APBA3: variants seen among roughly 807,000 people sequenced by gnomAD.
APBA3 encodes amyloid-beta A4 precursor protein-binding family A member 3.
APBA3 carries 45 observed loss-of-function variants against 55.9 expected under a neutral mutation model. That is an observed-to-expected ratio of 0.80 (90% CI 0.63 to 1.03). The LOEUF is 1.03. APBA3 is among the 50% of genes least tolerant of loss of function. APBA3 has a pLI of 0.00. For missense variants in APBA3, 865 were observed against 820.3 expected (o/e 1.05, Z -0.67); for synonymous variants, 370 against 353.3 (o/e 1.05, Z -0.53).
In APBA3 at chr19:3,754,246, C is replaced by T. The variant is rs904382789; in HGVS notation, c.711G>A (p.Pro237=). 10 of 1,546,588 alleles carry T rather than the reference C, an allele frequency of 6.5e-6. No individual in the cohort carries two copies. Among genetic ancestry groups the T allele is most frequent in the African/African-American group, 4.1e-5 (3 of 72,796 alleles). Residue 237 remains proline, a synonymous_variant, in exon 4 of 11, where the codon CCG becomes CCA. Transcript: ENST00000316757. Reference sequence around the variant, plus strand: ...CCTGGGCCATGCGCGTGCTGGTGGGCGGGTTCCGTTCCGACACCAGCTGGG... The same window carrying T: ...CCTGGGCCATGCGCGTGCTGGTGGGTGGGTTCCGTTCCGACACCAGCTGGG... ...GSTQLVSERN[P]PTSTRMAQAR... is the part of the protein sequence containing the mutation.
intron 3 of APBA3, chr19:3,756,706 G>C (rs1157520031): frequency 1.3e-5 from 2 of 151,900 alleles, no homozygotes; most frequent in South Asian, 4.1e-4. Flanking sequence ...CTGGGCGACA[G>C]AGCGAGACTC....
At chr19:3,761,125 TC>T (rs1176690034) in intron 1 of APBA3, among the ~76,000 whole-genome samples, 2 of 152,010 alleles carry the variant, frequency 1.3e-5, no homozygotes, top group Non-Finnish European at 2.9e-5. Context: ...CCCTGTGTCA[TC>T]CCAGACCTCT....
intron 8 of APBA3, 130 bp downstream of exon 8, chr19:3,752,377 TG>T: frequency 1.2e-6 from 1 of 820,822 alleles, no homozygotes; most frequent in Non-Finnish European, 1.9e-6. Flanking sequence ...GGCACACCAG[TG>T]GGCAGGACTT....
rs751346469 is a variant in APBA3 at position 3,754,120 on chromosome 19, G to A, written c.763-15C>T. 1.0e-5 allele frequency: 16 copies of A among 1,584,206 alleles called. No individual in the cohort carries two copies. The highest frequency in any genetic ancestry group is 2.3e-5 in the East Asian group (1 of 43,228). ...CCATCGGGGGCCTGTGGGTGGCGGCGTGGGAGGTGGAGGCCCCCACAGACC... is the reference window on the plus strand; with the variant it reads ...CCATCGGGGGCCTGTGGGTGGCGGCATGGGAGGTGGAGGCCCCCACAGACC... On this transcript the variant is annotated splice_polypyrimidine_tract_variant and intron_variant, in intron 4 of 10. Coordinates refer to ENST00000316757, the MANE Select transcript of APBA3 (RefSeq NM_004886.4).
intron 8 of APBA3, chr19:3,751,796 C>T (rs1248828328): frequency 1.9e-5 from 10 of 535,522 alleles, no homozygotes; most frequent in Admixed American, 3.8e-5. Context: ...GCCGGGCTCT[C>T]CAGGCAGGCT....
intron 3 of APBA3, chr19:3,754,612 C>A: frequency 4.5e-6 from 2 of 440,438 alleles, no homozygotes; most frequent in Non-Finnish European, 8.0e-6. Context: ...CTAGCACCCA[C>A]AGATACCTTC....
At chr19:3,757,109 A>G (rs2037086572) in intron 3 of APBA3, among the ~76,000 whole-genome samples, 1 of 151,120 alleles carries the variant, frequency 6.6e-6, no homozygotes, top group South Asian at 2.1e-4. Flanking sequence ...CAACCACAGA[A>G]CTGTTTTTTT....
chr19:3,753,413 T>G (rs1599172144), intron 6 of APBA3: 1 of 348,782 alleles, frequency 2.9e-6, no homozygotes, highest in Non-Finnish European at 5.2e-6. Flanking sequence ...GAGGCTGAGG[T>G]GGGTGGATCG....
At chr19:3,758,266 A>AT (rs1333082432) in intron 3 of APBA3, among the ~76,000 whole-genome samples, 2 of 148,528 alleles carry the variant, frequency 1.3e-5, no homozygotes, top group African/African-American at 2.5e-5. Context: ...GCATTTTTTT[A>AT]TTTTTGAGAC....
At chr19:3,757,755 C>A (rs950589268) in intron 3 of APBA3, among the ~76,000 whole-genome samples, 12 of 152,198 alleles carry the variant, frequency 7.9e-5, no homozygotes, top group African/African-American at 2.6e-4. Flanking sequence ...GCTTTTAGGG[C>A]AGGGCTTGGC....
intron 3 of APBA3, among the ~76,000 whole-genome samples, chr19:3,757,089 T>C (rs1199548937): frequency 1.3e-5 from 2 of 152,082 alleles, no homozygotes; most frequent in Non-Finnish European, 2.9e-5. Context: ...CAAACCAGTT[T>C]TTCTCTCTGC....
chr19:3,752,932 A>G lies in APBA3; in HGVS notation c.1070T>C (p.Leu357Pro). ...QAFAAAYSQF[L>P]RESGIDPSQV... The stretch of plus-strand genomic sequence containing the variant: ...GCTGGGGTCAATACCGCTTTCCCGT[A>G]GGAACTGGCTGTAGGCGGCGGCGAA... Residue 357 changes from leucine to proline, a missense_variant, in exon 7 of 11, where the codon CTA becomes CCA. Leu to Pro is a moderately conservative substitution (Grantham distance 98). Coordinates refer to ENST00000316757, the MANE Select transcript of APBA3 (RefSeq NM_004886.4). The G allele has an allele frequency of 6.2e-7, 1 of 1,613,408 alleles. No homozygotes were observed. Among genetic ancestry groups the G allele is most frequent in the Non-Finnish European group, 8.5e-7 (1 of 1,179,908 alleles).
At chr19:3,751,413 G>A (rs886393025) in intron 9 of APBA3, 21 bp downstream of exon 9, 63 of 1,518,456 alleles carry the variant, frequency 4.1e-5, no homozygotes, top group Non-Finnish European at 5.5e-5. Context: ...CCCACCCCGG[G>A]GCCAGGGGCC....
rs775632915 is a variant in APBA3, at chr19:3,751,563, G to A, written c.1396-10C>T. ...TCTGCGACTTCGTCTCCTGTGGGGC[G>A]GGGGCCGTTGGCCTCACTCAGCTGC... is the stretch of plus-strand genomic sequence containing the variant. On this transcript the variant is annotated splice_polypyrimidine_tract_variant and intron_variant, in intron 8 of 10. Coordinates refer to ENST00000316757, the MANE Select transcript of APBA3 (RefSeq NM_004886.4). 2.2e-5 allele frequency: 35 copies of A among 1,578,472 alleles called. No individual in the cohort carries two copies. The South Asian group carries it at 2.4e-4, about 11-fold the overall frequency.
chr19:3,759,714 G>T lies in APBA3; in HGVS notation c.551C>A (p.Pro184His), dbSNP rs781098485. 13 of 1,612,674 alleles carry T rather than the reference G, an allele frequency of 8.1e-6. No homozygotes were observed. The highest frequency in any genetic ancestry group is 1.7e-4 in the Middle Eastern group (1 of 6,058). Residue 184 changes from proline (P) to histidine (H), a missense_variant, in exon 2 of 11, where the codon CCT becomes CAT. Transcript: ENST00000316757. The part of the protein sequence containing the change: ...PWLETVPLVT[P>H]EEPPAGAQSP... ...CTGGGCACCAGCGGGTGGCTCTTCA[G>T]GTGTGACTAGAGGCACCGTCTCCAG...
intron 3 of APBA3, chr19:3,756,209 T>C (rs2037078723): frequency 6.6e-6 from 1 of 152,156 alleles, no homozygotes; most frequent in Non-Finnish European, 1.5e-5. Context: ...TCAGGCATGG[T>C]GGTTCACGCC....
chr19:3,750,845 G>GCT lies in APBA3; in HGVS notation c.*180_*181insAG, dbSNP rs2036986371. ...TCTAGTGGCTTCCAGGAAGGACAAG[G>GCT]TCCTCGGTCCCGTAGACCCTGATCC... On this transcript the variant is annotated 3_prime_UTR_variant, in exon 11 of 11. Transcript: ENST00000316757. The GCT allele has an allele frequency of 3.1e-6, 3 of 961,352 alleles. No homozygotes were observed. The highest frequency in any genetic ancestry group is 4.8e-6 in the Non-Finnish European group (3 of 628,736). The allele number at this position is 961,352 out of a possible 1,614,324, so 59.6% of individuals were successfully genotyped here. A position where few individuals can be genotyped will look rare whatever the true frequency, so the allele number is the denominator to read the frequency against.
chr19:3,758,747 G>GT (rs2037108512), intron 3 of APBA3, among the ~76,000 whole-genome samples: 1 of 149,784 alleles, frequency 6.7e-6, no homozygotes, highest in African/African-American at 2.5e-5. Context: ...GCGTGGTGGC[G>GT]AGCACCTGTA....
At chr19:3,756,602 A>G (rs1300914970) in intron 3 of APBA3, 1 of 152,220 alleles carries the variant, frequency 6.6e-6, no homozygotes. Flanking sequence ...GTATGCCTAT[A>G]GTTCCAGTTA....
Sources: gnomAD v4.1 joint callset for allele counts (sites outside exome capture counted in the v4.1 genomes callset) on GRCh38, gnomAD v4.1.1 for gene constraint, MANE v1.5 for transcripts, NCBI Gene and HGNC (gene_info 2026-07-23, HGNC 2026-07-21) for gene names.